Variants in RNFT2 observed in about 807,000 individuals in gnomAD.
The protein encoded by RNFT2 is ring finger protein, transmembrane 2.
Under a neutral mutation model 53.0 loss-of-function variants are expected in RNFT2, and 36 were observed. The observed-to-expected ratio is 0.68, with a 90% CI of 0.52 to 0.90. The LOEUF (loss-of-function observed/expected upper bound fraction) is 0.90, where lower values mean the gene tolerates loss of function less well. Ranked by LOEUF, RNFT2 falls within the 40% of genes least tolerant of loss-of-function variation. The pLI is 0.00. For missense variants in RNFT2, 514 were observed against 585.6 expected (o/e 0.88, Z 1.26); for synonymous variants, 260 against 253.2 (o/e 1.03, Z -0.26).
intron 7 of RNFT2, among the ~76,000 whole-genome samples, chr12:116,811,351 C>T (rs1214379446): frequency 6.7e-6 from 1 of 149,768 alleles, no homozygotes; most frequent in Non-Finnish European, 1.5e-5. Context: ...ATCCCTGGCA[C>T]ATGTAAATGC....
At chr12:116,847,910 G>A (rs1412282571) in intron 10 of RNFT2, among the ~76,000 whole-genome samples, 7 of 152,132 alleles carry the variant, frequency 4.6e-5, no homozygotes, top group Admixed American at 3.3e-4. Context: ...ATAGGTAAAC[G>A]TGTGCCATGG....
intron 7 of RNFT2, among the ~76,000 whole-genome samples, chr12:116,782,381 G>C (rs1034554700): frequency 6.6e-6 from 1 of 151,786 alleles, no homozygotes. Context: ...TAAAAAATTA[G>C]CTGAGTGTGG....
intron 7 of RNFT2, among the ~76,000 whole-genome samples, chr12:116,822,131 G>A (rs1417422891): frequency 6.6e-6 from 1 of 152,014 alleles, no homozygotes; most frequent in Non-Finnish European, 1.5e-5. Flanking sequence ...CACCCTGCCT[G>A]GCCAACCTCC....
intron 7 of RNFT2, among the ~76,000 whole-genome samples, chr12:116,814,423 G>A (rs1431639061): frequency 6.6e-6 from 1 of 152,162 alleles, no homozygotes; most frequent in Non-Finnish European, 1.5e-5. Flanking sequence ...GTGGTGGGGG[G>A]TAGGGAGAAG....
In RNFT2 at chr12:116,833,856, T is replaced by G; in HGVS notation, c.947T>G (p.Leu316Arg). The G allele has an allele frequency of 6.2e-7, 1 of 1,613,516 alleles. No homozygotes were observed. The highest frequency in any genetic ancestry group is 8.5e-7 in the Non-Finnish European group (1 of 1,179,674). ...QLFRSLVPIQLWYKYIMGDDS... is the reference protein window; with the variant it reads ...QLFRSLVPIQRWYKYIMGDDS... ...TTCCGATCCCTTGTCCCCATCCAGC[T>G]GTGGTACAAATACATCATGGGTGAC... The change falls in exon 8 of 11, where the codon CTG (leucine) becomes CGG (arginine). Residue 316 changes from leucine to arginine, a missense_variant. Leu to Arg is a moderately radical substitution (Grantham distance 102). Transcript: ENST00000257575.
chr12:116,765,318 G>A (rs1418348152), intron 5 of RNFT2, among the ~76,000 whole-genome samples: 1 of 152,196 alleles, frequency 6.6e-6, no homozygotes, highest in Non-Finnish European at 1.5e-5. Flanking sequence ...TTGGTTGGAG[G>A]TGGTTTCTAG....
At chr12:116,783,504 T>C (rs749933262) in intron 7 of RNFT2, among the ~76,000 whole-genome samples, 1 of 152,246 alleles carries the variant, frequency 6.6e-6, no homozygotes, top group Non-Finnish European at 1.5e-5. Flanking sequence ...AGCCATCAGC[T>C]GCCTCGTCAA....
At position 116,835,970 on chromosome 12, in the gene RNFT2, T is replaced by C. The variant is rs1369599860; in HGVS notation, c.1043T>C (p.Ile348Thr). 7 of 1,614,000 alleles carry C rather than the reference T, an allele frequency of 4.3e-6. No individual in the cohort carries two copies. Among genetic ancestry groups the C allele is most frequent in the Non-Finnish European group, 5.9e-6 (7 of 1,179,886 alleles). The change falls in exon 9 of 11, where the codon ATC becomes ACC. Residue 348 changes from isoleucine to threonine, a missense_variant. Ile to Thr is a moderately conservative substitution (Grantham distance 89). Transcript: ENST00000257575. Reference sequence around the variant, plus strand: ...CTGCTCTCCTTTCAGTCCTTCGACATCTGTGGACGTGTGGGCGGAGTTAGG... The same window carrying C: ...CTGCTCTCCTTTCAGTCCTTCGACACCTGTGGACGTGTGGGCGGAGTTAGG... The part of the protein sequence containing the change: ...VLYSLCKSFD[I>T]CGRVGGVRKA...
chr12:116,836,213 C>A lies in RNFT2; in HGVS notation c.1131C>A (p.Cys377Ter). 4 of 1,595,618 alleles carry A rather than the reference C, an allele frequency of 2.5e-6. No individual in the cohort carries two copies. Among genetic ancestry groups the A allele is most frequent in the Non-Finnish European group, 3.4e-6 (4 of 1,171,106 alleles). ...NYGVRATGQQ[C>*]TEAGDICAIC... ...GAGTCCGAGCCACCGGGCAGCAGTG[C>A]ACAGAAGCTGGTGACATCTGCGCCA... Residue 377 changes from cysteine (C) to a stop codon, truncating the protein, a stop_gained, in exon 10 of 11, where the codon TGC becomes TGA. Transcript: ENST00000257575. LOFTEE classifies it high-confidence loss of function.
Position 116,849,699 on chromosome 12 carries a change from C to T in RNFT2, c.*251C>T, listed in dbSNP as rs1022453648. On this transcript the variant is annotated 3_prime_UTR_variant, in exon 11 of 11. Transcript: ENST00000257575. ...TTCCTAACTCAGACTTGATGCCCTTCTAGATGCATCTTCCTTCTCCACTCC... is the reference window on the plus strand; with the variant it reads ...TTCCTAACTCAGACTTGATGCCCTTTTAGATGCATCTTCCTTCTCCACTCC... The T allele has an allele frequency of 6.5e-6, 8 of 1,230,874 alleles. No homozygotes were observed. The highest frequency in any genetic ancestry group is 7.1e-6 in the Non-Finnish European group (7 of 985,206). 76.2% of individuals were successfully genotyped at this position (1,230,874 alleles called of 1,614,324 possible).
rs764211506 is a variant in RNFT2, at chr12:116,779,191, C to T, written c.729-4C>T. On this transcript the variant is annotated splice_polypyrimidine_tract_variant and splice_region_variant and intron_variant, in intron 6 of 10. Transcript: ENST00000257575. ...CCTTCTGACTCTCTCAATCCTCCCCCCAGCCTCATATTCCTGAAGCCCAAC... is the reference window on the plus strand; with the variant it reads ...CCTTCTGACTCTCTCAATCCTCCCCTCAGCCTCATATTCCTGAAGCCCAAC... 1 of 1,613,882 alleles carries T rather than the reference C, an allele frequency of 6.2e-7. No homozygotes were observed. Among genetic ancestry groups the T allele is most frequent in the African/African-American group, 1.3e-5 (1 of 74,930 alleles).
chr12:116,758,310 A>C (rs530798107), intron 5 of RNFT2, among the ~76,000 whole-genome samples: 39 of 152,346 alleles, frequency 2.6e-4, no homozygotes, highest in Non-Finnish European at 4.9e-4. Flanking sequence ...CATTTAGGCC[A>C]CTTACATTCA....
chr12:116,808,222 C>T (rs1875181192), intron 7 of RNFT2, among the ~76,000 whole-genome samples: 1 of 152,090 alleles, frequency 6.6e-6, no homozygotes, highest in African/African-American at 2.4e-5. Flanking sequence ...GCCTTGGCCT[C>T]CTAAAGTGCT....
Position 116,779,215 on chromosome 12 carries a change from A to T in RNFT2, c.749A>T (p.Asn250Ile), listed in dbSNP as rs1166429185. ...CCCAGCCTCATATTCCTGAAGCCCA[A>T]CCTGGAGATGCTGGACTTCTTTGAC... is the stretch of plus-strand genomic sequence containing the variant. ...LYNSLIFLKP[N>I]LEMLDFFDLL... Residue 250 changes from asparagine to isoleucine, a missense_variant, in exon 7 of 11, where the codon AAC (asparagine) becomes ATC (isoleucine). By Grantham distance (149) the Asn-to-Ile change is moderately radical. Around this residue, in one of 3 missense-constraint regions of RNFT2, gnomAD observed 273 missense variants for 334.4 expected, o/e 0.82. Coordinates refer to ENST00000257575, the MANE Select transcript of RNFT2 (RefSeq NM_001382266.1). 4 of 1,613,984 alleles carry T rather than the reference A, an allele frequency of 2.5e-6. No individual in the cohort carries two copies. The highest frequency in any genetic ancestry group is 1.1e-5 in the South Asian group (1 of 91,082).
At chr12:116,789,073 T>C (rs1173768651) in intron 7 of RNFT2, among the ~76,000 whole-genome samples, 1 of 138,476 alleles carries the variant, frequency 7.2e-6, no homozygotes, top group Non-Finnish European at 1.6e-5. Context: ...GGTGGATGGG[T>C]AAATGGGAGG....
chr12:116,764,491 C>T (rs1211513480), intron 5 of RNFT2, among the ~76,000 whole-genome samples: 1 of 152,146 alleles, frequency 6.6e-6, no homozygotes, highest in South Asian at 2.1e-4. Flanking sequence ...ACCCAGTCTC[C>T]ATTTGCACAT....
At chr12:116,842,277 T>G (rs996649484) in intron 10 of RNFT2, among the ~76,000 whole-genome samples, 2 of 151,918 alleles carry the variant, frequency 1.3e-5, no homozygotes, top group Non-Finnish European at 2.9e-5. Flanking sequence ...GTATCCTCCT[T>G]GTTGGAAGCA....
intron 6 of RNFT2, among the ~76,000 whole-genome samples, chr12:116,773,932 C>A (rs1029345642): frequency 6.6e-6 from 1 of 152,130 alleles, no homozygotes; most frequent in African/African-American, 2.4e-5. Flanking sequence ...AAACACCCTG[C>A]GGTATGTACA....
chr12:116,741,947 G>A (rs1175230091), intron 3 of RNFT2, among the ~76,000 whole-genome samples: 1 of 151,382 alleles, frequency 6.6e-6, no homozygotes, highest in Non-Finnish European at 1.5e-5. Context: ...CACTGCACCT[G>A]GCATGGGTTA....
Sources: gnomAD v4.1 joint callset for allele counts (sites outside exome capture counted in the v4.1 genomes callset) on GRCh38, gnomAD v4.1.1 for gene constraint, gnomAD v4.1.1 regional missense constraint, MANE v1.5 for transcripts, NCBI Gene and HGNC (gene_info 2026-07-23, HGNC 2026-07-21) for gene names.